The following C7orf78 variants were observed in gnomAD, a reference collection of about 807,000 sequenced individuals.
C7orf78 encodes the protein chromosome 7 open reading frame 78.
chr7:12,500,767 G>A, the C7orf78 span, among the ~76,000 whole-genome samples: 1 of 150,780 alleles, frequency 6.6e-6, no homozygotes, highest in African/African-American at 2.5e-5. Flanking sequence ...GCCGGGCAGA[G>A]ACACAACCAA....
At chr7:12,498,791 C>T in the C7orf78 span, among the ~76,000 whole-genome samples, 1 of 149,342 alleles carries the variant, frequency 6.7e-6, no homozygotes, top group East Asian at 2.0e-4. Context: ...GTCAGATTCA[C>T]CAAAGTTGAA....
chr7:12,496,019 G>C, the C7orf78 span, among the ~76,000 whole-genome samples: 6 of 151,738 alleles, frequency 4.0e-5, no homozygotes, highest in Non-Finnish European at 8.8e-5. Context: ...TCTGCCTCCC[G>C]GGTTCACGCC....
chr7:12,484,710 G>T, the C7orf78 span, among the ~76,000 whole-genome samples: 1 of 152,096 alleles, frequency 6.6e-6, no homozygotes, highest in Non-Finnish European at 1.5e-5. Context: ...GTCTATTTCA[G>T]GTTGGAGGTG....
At chr7:12,514,379 C>CA in the C7orf78 span, among the ~76,000 whole-genome samples, 1 of 150,424 alleles carries the variant, frequency 6.6e-6, no homozygotes, top group Admixed American at 6.6e-5. Flanking sequence ...CTCTTCTTTG[C>CA]TTTTTTTTTA....
the C7orf78 span, among the ~76,000 whole-genome samples, chr7:12,494,303 T>C: frequency 2.6e-5 from 4 of 152,206 alleles, no homozygotes; most frequent in African/African-American, 7.2e-5. Flanking sequence ...TGGTGCATGA[T>C]GGATGCTTGA....
At chr7:12,534,547 G>C in the C7orf78 span, among the ~76,000 whole-genome samples, 1 of 152,114 alleles carries the variant, frequency 6.6e-6, no homozygotes. Flanking sequence ...TGAAAAGGCA[G>C]ACAGAGAGCT....
At chr7:12,522,925 C>A in the C7orf78 span, 3 of 397,792 alleles carry the variant, frequency 7.5e-6, no homozygotes, top group Non-Finnish European at 8.9e-6. Context: ...GTTGAGTACA[C>A]CATTGCTATA....
the C7orf78 span, chr7:12,491,102 T>C: frequency 6.6e-6 from 1 of 152,164 alleles, no homozygotes; most frequent in African/African-American, 2.4e-5. Flanking sequence ...AACATGGCCT[T>C]GTCTTTTTCA....
the C7orf78 span, among the ~76,000 whole-genome samples, chr7:12,497,584 A>AC: frequency 6.6e-6 from 1 of 152,192 alleles, no homozygotes; most frequent in Admixed American, 6.5e-5. Context: ...GGAGGGTCCT[A>AC]CCCCACGGAG....
the C7orf78 span, among the ~76,000 whole-genome samples, chr7:12,500,425 A>C: frequency 6.6e-6 from 1 of 150,488 alleles, no homozygotes; most frequent in East Asian, 2.0e-4. Context: ...AGAAATACAA[A>C]CTACCATCAG....
chr7:12,513,986 C>A, the C7orf78 span, among the ~76,000 whole-genome samples: 1 of 151,816 alleles, frequency 6.6e-6, no homozygotes, highest in Non-Finnish European at 1.5e-5. Context: ...GGCAACAGAG[C>A]GAGACTCCGT....
At chr7:12,484,406 C>T in the C7orf78 span, among the ~76,000 whole-genome samples, 1 of 152,120 alleles carries the variant, frequency 6.6e-6, no homozygotes, top group African/African-American at 2.4e-5. Flanking sequence ...CATAAGTTAC[C>T]TAACATCTTG....
At chr7:12,485,316 T>C in the C7orf78 span, among the ~76,000 whole-genome samples, 1 of 788 alleles carries the variant, frequency 1.3e-3, no homozygotes. Flanking sequence ...TTGGAAGGAG[T>C]TGAGAATGGG....
At chr7:12,492,698 G>T in the C7orf78 span, among the ~76,000 whole-genome samples, 4 of 152,176 alleles carry the variant, frequency 2.6e-5, no homozygotes, top group Non-Finnish European at 5.9e-5. Flanking sequence ...TCAACAACAG[G>T]TATCTTAACT....
At chr7:12,507,853 C>G in the C7orf78 span, among the ~76,000 whole-genome samples, 1 of 151,968 alleles carries the variant, frequency 6.6e-6, no homozygotes. Context: ...TTCCAGTTTT[C>G]CCAAATACCA....
chr7:12,483,956 A>T, the C7orf78 span: 1 of 152,086 alleles, frequency 6.6e-6, no homozygotes, highest in South Asian at 2.1e-4. Context: ...TTCTTCAACA[A>T]ATTGCTGTAT....
At chr7:12,507,243 G>T in the C7orf78 span, 1 of 166,226 alleles carries the variant, frequency 6.0e-6, no homozygotes, top group African/African-American at 2.5e-5. Context: ...AGGAGGCGGA[G>T]GTTGCAGTGA....
the C7orf78 span, among the ~76,000 whole-genome samples, chr7:12,519,460 C>T: frequency 6.6e-6 from 1 of 152,178 alleles, no homozygotes; most frequent in Non-Finnish European, 1.5e-5. Flanking sequence ...TGTGGTCACT[C>T]CTTCCAGCTC....
At chr7:12,530,130 G>A in the C7orf78 span, among the ~76,000 whole-genome samples, 4 of 152,078 alleles carry the variant, frequency 2.6e-5, no homozygotes, top group African/African-American at 9.7e-5. Flanking sequence ...TTCCCCAATT[G>A]GCAACTGGTT....
Sources: allele counts gnomAD v4.1 joint callset (sites outside exome capture counted in the v4.1 genomes callset), GRCh38; gene constraint gnomAD v4.1.1; transcripts MANE v1.5; gene names NCBI Gene and HGNC (gene_info 2026-07-23, HGNC 2026-07-21).